SLC1A5: variants seen among roughly 807,000 people sequenced by gnomAD.
The protein encoded by SLC1A5 is solute carrier family 1 member 5, also known as neutral amino acid transporter B(0).
SLC1A5 carries 25 observed loss-of-function variants against 34.9 expected under a neutral mutation model. That is an observed-to-expected ratio of 0.72 (90% CI 0.52 to 1.00). SLC1A5 has a LOEUF of 1.00. Ranked by LOEUF, SLC1A5 falls within the 50% of genes least tolerant of loss-of-function variation. SLC1A5 has a pLI of 0.00. For missense variants in SLC1A5, 637 were observed against 740.0 expected (o/e 0.86, Z 1.61); for synonymous variants, 351 against 341.2 (o/e 1.03, Z -0.32).
In SLC1A5 at chr19:46,788,083, T is replaced by C; in HGVS notation, c.-118A>G. ...GTAACAGCACCTGGAGACTGGAACT[T>C]TGGAGGGCTCCTTAGAGTTGTGAGT... is the stretch of plus-strand genomic sequence containing the variant. On this transcript the variant is annotated 5_prime_UTR_variant, in exon 1 of 8. Transcript: ENST00000542575. The C allele has an allele frequency of 1.1e-6, 1 of 917,622 alleles. No homozygotes were observed. Among genetic ancestry groups the C allele is most frequent in the Non-Finnish European group, 1.6e-6 (1 of 619,698 alleles). The allele number at this position is 917,622 out of a possible 1,614,324, so 56.8% of individuals were successfully genotyped here. A position where few individuals can be genotyped will look rare whatever the true frequency, so the allele number is the denominator to read the frequency against.
Position 46,775,057 on chromosome 19 carries a change from ACACACAC to A in SLC1A5, c.*446_*452del. On this transcript the variant is annotated 3_prime_UTR_variant, in exon 8 of 8. Coordinates refer to ENST00000542575, the MANE Select transcript of SLC1A5 (RefSeq NM_005628.3). ...ATGGGGACAGGAGGTCACAGAACAC[ACACACAC>A]ACACACACACACACACACACACACA... 4 of 20,852 alleles carry A rather than the reference ACACACAC, an allele frequency of 1.9e-4. No homozygotes were observed. In the South Asian group the frequency reaches 8.9e-3, roughly 46 times the overall value. 1.3% of individuals were successfully genotyped at this position (20,852 alleles called of 1,614,324 possible).
rs2055194926 is a variant in SLC1A5 at position 46,787,503 on chromosome 19, G to A, written c.463C>T (p.Pro155Ser). Residue 155 changes from proline to serine, a missense_variant, in exon 1 of 8, where the codon CCG becomes TCG. Physicochemically the swap from Pro to Ser is moderately conservative, Grantham distance 74. Coordinates refer to ENST00000542575, the MANE Select transcript of SLC1A5 (RefSeq NM_005628.3). The surrounding 1 kb of genome is among the most constrained non-coding windows in gnomAD (Gnocchi z 5.2). ...LGVGLALALQ[P>S]GAASAAINAS... ...TTGATGGCGGCGGAGGCGGCGCCCG[G>A]CTGCAGAGCCAGCGCCAAGCCCACT... 1.9e-6 allele frequency: 3 copies of A among 1,581,932 alleles called. No homozygotes were observed. Among genetic ancestry groups the A allele is most frequent in the Middle Eastern group, 1.7e-4 (1 of 5,980 alleles).
chr19:46,784,665 G>GC (rs769921595), intron 1 of SLC1A5, 106 bp from the exon 2 acceptor site: 27 of 1,604,298 alleles, frequency 1.7e-5, no homozygotes, highest in Admixed American at 3.4e-5. Context: ...AGCTTTGGGG[G>GC]CCCGCCTGCA....
At chr19:46,786,051 C>T (rs2055183674) in intron 1 of SLC1A5, among the ~76,000 whole-genome samples, 1 of 131,116 alleles carries the variant, frequency 7.6e-6, no homozygotes, top group African/African-American at 3.0e-5. Context: ...CAGAGACTGT[C>T]TCAAAAAAAA....
rs754572979 is a variant in SLC1A5, at chr19:46,777,347, G to A, written c.1117C>T (p.His373Tyr). 6.2e-7 allele frequency: 1 copy of A among 1,613,696 alleles called. No homozygotes were observed. Among genetic ancestry groups the A allele is most frequent in the Non-Finnish European group, 8.5e-7 (1 of 1,179,964 alleles). The change falls in exon 6 of 8, where the codon CAC becomes TAC. Residue 373 changes from histidine (H) to tyrosine (Y), a missense_variant. Coordinates refer to ENST00000542575, the MANE Select transcript of SLC1A5 (RefSeq NM_005628.3). ...ATGGGCAGGATGAAACGGCTGATGT[G>A]CTTGGCCACGCCATTATTCTCCTCC... is the stretch of plus-strand genomic sequence containing the variant. ...CVEENNGVAK[H>Y]ISRFILPIGA...
chr19:46,779,467 TG>T (rs1451459256), intron 4 of SLC1A5, among the ~76,000 whole-genome samples: 1 of 149,130 alleles, frequency 6.7e-6, no homozygotes, highest in Non-Finnish European at 1.5e-5. Flanking sequence ...TCCATCACCA[TG>T]TGAAGCAGTC....
At chr19:46,782,342 T>TGCAAACCCCCCCCCCCCCCC in intron 4 of SLC1A5, 41 bp downstream of exon 4, 2 of 523,370 alleles carry the variant, frequency 3.8e-6, no homozygotes, top group Non-Finnish European at 7.0e-6. Context: ...AGACCGACCC[T>TGCAAACCCCCCCCCCCCCCC]CCAACCCCAC....
intron 5 of SLC1A5, 145 bp from the exon 6 acceptor site, chr19:46,777,550 G>C (rs1474975914): frequency 4.2e-6 from 3 of 711,498 alleles, no homozygotes; most frequent in African/African-American, 4.0e-5. Flanking sequence ...CCCCACCAGA[G>C]CCTGCCTAAG....
chr19:46,782,342 T>TGCCAACCCCCCCCCCCCCCCCCCA, intron 4 of SLC1A5, 41 bp downstream of exon 4: 1 of 523,370 alleles, frequency 1.9e-6, no homozygotes, highest in Non-Finnish European at 3.5e-6. Context: ...AGACCGACCC[T>TGCCAACCCCCCCCCCCCCCCCCCA]CCAACCCCAC....
chr19:46,788,049 C>A lies in SLC1A5; in HGVS notation c.-84G>T. On this transcript the variant is annotated 5_prime_UTR_variant, in exon 1 of 8. Coordinates refer to ENST00000542575, the MANE Select transcript of SLC1A5 (RefSeq NM_005628.3). ...TTCCCAGGACCCGACGTTCCTAGGA[C>A]TGAGTTGAGTAACAGCACCTGGAGA... 7.6e-7 allele frequency: 1 copy of A among 1,311,726 alleles called. No individual in the cohort carries two copies. Among genetic ancestry groups the A allele is most frequent in the South Asian group, 1.5e-5 (1 of 65,066 alleles). The allele number at this position is 1,311,726 out of a possible 1,614,324, so 81.3% of individuals were successfully genotyped here.
Position 46,774,970 on chromosome 19 carries a change from C to T in SLC1A5, c.*540G>A, listed in dbSNP as rs1432620372. The T allele has an allele frequency of 1.0e-6, 1 of 985,746 alleles. No individual in the cohort carries two copies. Among genetic ancestry groups the T allele is most frequent in the African/African-American group, 1.8e-5 (1 of 57,090 alleles). 61.1% of individuals were successfully genotyped at this position (985,746 alleles called of 1,614,324 possible). Reference sequence around the variant, plus strand: ...TTGTCCTCAGCCTCTCCCCAGAGTCCCTGGGAGTGTTTCTGTTATTGTGGA... The same window carrying T: ...TTGTCCTCAGCCTCTCCCCAGAGTCTCTGGGAGTGTTTCTGTTATTGTGGA... On this transcript the variant is annotated 3_prime_UTR_variant, in exon 8 of 8. Coordinates refer to ENST00000542575, the MANE Select transcript of SLC1A5 (RefSeq NM_005628.3).
rs2055203595 is a variant in SLC1A5, at chr19:46,788,593, C to A, written c.-628G>T. 1 of 152,368 alleles carries A rather than the reference C, an allele frequency of 6.6e-6. No individual in the cohort carries two copies. The allele number at this position is 152,368 out of a possible 1,614,324, so 9.4% of individuals were successfully genotyped here. A position where few individuals can be genotyped will look rare whatever the true frequency, so the allele number is the denominator to read the frequency against. On this transcript the variant is annotated 5_prime_UTR_variant, in exon 1 of 8. Transcript: ENST00000542575. ...AGCCTCCCGGGCGTGCCGCGTGGCT[C>A]TGAGCCCGTTTAGCGGAAGCTGCCA...
Position 46,788,054 on chromosome 19 carries a change from T to G in SLC1A5, c.-89A>C. The G allele has an allele frequency of 8.0e-7, 1 of 1,248,104 alleles. No homozygotes were observed. Among genetic ancestry groups the G allele is most frequent in the Non-Finnish European group, 1.1e-6 (1 of 917,182 alleles). The allele number at this position is 1,248,104 out of a possible 1,614,324, so 77.3% of individuals were successfully genotyped here. On this transcript the variant is annotated 5_prime_UTR_variant, in exon 1 of 8. Coordinates refer to ENST00000542575, the MANE Select transcript of SLC1A5 (RefSeq NM_005628.3). ...AGGACCCGACGTTCCTAGGACTGAG[T>G]TGAGTAACAGCACCTGGAGACTGGA...
chr19:46,784,627 G>C (rs1320935662), intron 1 of SLC1A5, 68 bp from the exon 2 acceptor site: 11 of 1,613,714 alleles, frequency 6.8e-6, no homozygotes, highest in Non-Finnish European at 8.5e-6. Context: ...CTGAGAGGCT[G>C]GGTTGGCGTT....
rs1349784817 is a variant in SLC1A5 at position 46,787,978 on chromosome 19, C to A, written c.-13G>T. The A allele has an allele frequency of 4.5e-6, 7 of 1,539,838 alleles. No homozygotes were observed. The highest frequency in any genetic ancestry group is 5.2e-6 in the Non-Finnish European group (6 of 1,146,948). ...GATCGGCCACCATGATGGGAAGCACCGGGGTTTCTTAGCGCCTGGAAGCTG... is the reference window on the plus strand; with the variant it reads ...GATCGGCCACCATGATGGGAAGCACAGGGGTTTCTTAGCGCCTGGAAGCTG... On this transcript the variant is annotated 5_prime_UTR_variant, in exon 1 of 8. Transcript: ENST00000542575. The surrounding 1 kb of genome is among the most constrained non-coding windows in gnomAD (Gnocchi z 5.2).
chr19:46,784,855 C>T (rs2055175817), intron 1 of SLC1A5: 3 of 1,389,080 alleles, frequency 2.2e-6, no homozygotes, highest in African/African-American at 1.5e-5. Flanking sequence ...GGCAGGTCGC[C>T]CCGGGCCTCA....
At chr19:46,781,379 A>G (rs1302285847) in intron 4 of SLC1A5, among the ~76,000 whole-genome samples, 2 of 152,102 alleles carry the variant, frequency 1.3e-5, no homozygotes. Context: ...TGGGCGGATC[A>G]CCTGAGGTCG....
intron 4 of SLC1A5, 37 bp downstream of exon 4, chr19:46,782,346 A>AACCCCCCCCCCCCCCCCCCCCCCCACC: frequency 1.8e-6 from 1 of 567,986 alleles, no homozygotes; most frequent in Non-Finnish European, 3.2e-6. Flanking sequence ...CGACCCTCCA[A>AACCCCCCCCCCCCCCCCCCCCCCCACC]CCCCACCCAC....
intron 3 of SLC1A5, among the ~76,000 whole-genome samples, chr19:46,783,467 A>T (rs1466066978): frequency 1.8e-5 from 1 of 55,858 alleles, no homozygotes. Flanking sequence ...ATTCTGTCTC[A>T]AAAAAAAAAA....
Sources: allele counts gnomAD v4.1 joint callset (sites outside exome capture counted in the v4.1 genomes callset), GRCh38; gene constraint gnomAD v4.1.1; non-coding constraint Gnocchi (gnomAD v3.1); transcripts MANE v1.5; gene names NCBI Gene and HGNC (gene_info 2026-07-23, HGNC 2026-07-21).